ALPL: variants seen among roughly 807,000 people sequenced by gnomAD.
ALPL encodes the protein alkaline phosphatase, tissue-nonspecific isozyme.
Under a neutral mutation model 51.3 loss-of-function variants are expected in ALPL, and 42 were observed. The observed-to-expected ratio is 0.82, with a 90% CI of 0.64 to 1.06. The LOEUF is 1.06. Ranked by LOEUF, ALPL falls within the 50% of genes least tolerant of loss-of-function variation. ALPL has a pLI of 0.00. For missense variants in ALPL, 589 were observed against 709.4 expected (o/e 0.83, Z 1.93); for synonymous variants, 279 against 296.4 (o/e 0.94, Z 0.60).
intron 1 of ALPL, among the ~76,000 whole-genome samples, chr1:21,519,326 G>A (rs559510094): frequency 1.7e-4 from 26 of 152,318 alleles, no homozygotes; most frequent in Admixed American, 3.3e-4. Context: ...TTCCTCCACC[G>A]CAGGCTCAGT....
chr1:21,530,124 G>A (rs1450871745), intron 1 of ALPL, among the ~76,000 whole-genome samples: 6 of 152,106 alleles, frequency 3.9e-5, no homozygotes, highest in South Asian at 2.1e-4. Context: ...TGGTAGTGGC[G>A]TGGGGTGGGA....
rs1644541900 is a variant in ALPL at position 21,564,945 on chromosome 1, T to C, written c.648+729T>C. ...GACTCATGGAGACAGAAGTCATCCA[T>C]GTGACGCTTACTCTCTGTTCTTAAG... On this transcript the variant is annotated intron_variant, in intron 6 of 11. Transcript: ENST00000374840. The surrounding 1 kb of genome is among the most constrained non-coding windows in gnomAD (Gnocchi z 5.8). 6.6e-6 allele frequency among the ~76,000 whole-genome samples: 1 copy of C among 152,196 alleles called. No homozygotes were observed. The highest frequency in any genetic ancestry group is 2.1e-4 in the South Asian group (1 of 4,830).
chr1:21,512,687 G>A (rs949800698), intron 1 of ALPL, among the ~76,000 whole-genome samples: 2 of 152,112 alleles, frequency 1.3e-5, no homozygotes, highest in Admixed American at 6.6e-5. Flanking sequence ...AGTGTCTGAA[G>A]AACATAGTCT....
chr1:21,568,043 G>C (rs1644591319), intron 6 of ALPL, 61 bp from the exon 7 acceptor site: 1 of 1,612,114 alleles, frequency 6.2e-7, no homozygotes, highest in African/African-American at 1.3e-5. Context: ...CCAAGCCGAG[G>C]TCACTGGGGC....
intron 1 of ALPL, among the ~76,000 whole-genome samples, chr1:21,522,464 G>C (rs1195437028): frequency 2.6e-5 from 4 of 152,162 alleles, no homozygotes; most frequent in Non-Finnish European, 5.9e-5. Flanking sequence ...GGCTCAGAGA[G>C]ATTATGTTCA....
chr1:21,555,992 C>G (rs1348516600), intron 2 of ALPL, among the ~76,000 whole-genome samples: 1 of 150,910 alleles, frequency 6.6e-6, no homozygotes, highest in East Asian at 1.9e-4. Context: ...AGGATGGTCT[C>G]GATCTCCTGA....
intron 1 of ALPL, among the ~76,000 whole-genome samples, chr1:21,519,056 T>C (rs1323411061): frequency 6.6e-6 from 1 of 152,210 alleles, no homozygotes; most frequent in Non-Finnish European, 1.5e-5. Context: ...TCAGCTCAGA[T>C]CCAGTGGGAC....
chr1:21,531,266 G>T (rs981579857), intron 1 of ALPL, among the ~76,000 whole-genome samples: 1 of 151,912 alleles, frequency 6.6e-6, no homozygotes. Context: ...CCAATTTTTT[G>T]ATTTTTTTGT....
At position 21,577,733 on chromosome 1, in the gene ALPL, G is replaced by A. The variant is rs1333626864; in HGVS notation, c.*85G>A. 4.6e-6 allele frequency: 7 copies of A among 1,511,144 alleles called. No homozygotes were observed. The highest frequency in any genetic ancestry group is 6.2e-6 in the Non-Finnish European group (7 of 1,127,330). The allele number at this position is 1,511,144 out of a possible 1,614,324, so 93.6% of individuals were successfully genotyped here. The stretch of plus-strand genomic sequence containing the variant: ...CCCCCCCTCAAGGGGCAGGGAGGTG[G>A]GGGCCTCCTCAGCCTCTGCAACTGC... On this transcript the variant is annotated 3_prime_UTR_variant, in exon 12 of 12. Transcript: ENST00000374840.
At chr1:21,545,537 C>G (rs970310449) in intron 1 of ALPL, among the ~76,000 whole-genome samples, 11 of 152,016 alleles carry the variant, frequency 7.2e-5, no homozygotes, top group East Asian at 1.9e-4. Flanking sequence ...GTGATCCACC[C>G]TCCTCAGCCT....
intron 1 of ALPL, among the ~76,000 whole-genome samples, chr1:21,541,958 C>T (rs1357297858): frequency 6.6e-6 from 1 of 152,184 alleles, no homozygotes; most frequent in East Asian, 1.9e-4. Flanking sequence ...CCAGCACTGG[C>T]CCACTGCCCT....
At chr1:21,544,909 T>C (rs1357106740) in intron 1 of ALPL, among the ~76,000 whole-genome samples, 1 of 144,820 alleles carries the variant, frequency 6.9e-6, no homozygotes, top group Non-Finnish European at 1.5e-5. Flanking sequence ...TTTTGTTTTG[T>C]TTTTTTTTCT....
intron 2 of ALPL, among the ~76,000 whole-genome samples, chr1:21,555,279 G>A (rs1273490138): frequency 6.6e-6 from 1 of 152,190 alleles, no homozygotes; most frequent in Admixed American, 6.5e-5. Context: ...TTTTGTGGTG[G>A]AATGTCATCA....
intron 2 of ALPL, among the ~76,000 whole-genome samples, chr1:21,560,238 C>T (rs1644464588): frequency 6.6e-6 from 1 of 152,248 alleles, no homozygotes; most frequent in Non-Finnish European, 1.5e-5. Context: ...ACATTACTCT[C>T]TTAATTGTGC....
chr1:21,526,488 A>T (rs1643945462), intron 1 of ALPL, among the ~76,000 whole-genome samples: 1 of 152,130 alleles, frequency 6.6e-6, no homozygotes, highest in Non-Finnish European at 1.5e-5. Context: ...AATTTTTGAT[A>T]TGTGGTGTTT....
chr1:21,551,874 C>A (rs1017597497), intron 1 of ALPL, among the ~76,000 whole-genome samples: 1 of 151,596 alleles, frequency 6.6e-6, no homozygotes, highest in South Asian at 2.1e-4. Context: ...TACAGGCGCC[C>A]GCTACCTCTC....
At chr1:21,554,575 CTG>C (rs1644374511) in intron 2 of ALPL, among the ~76,000 whole-genome samples, 2 of 150,934 alleles carry the variant, frequency 1.3e-5, no homozygotes, top group Admixed American at 6.6e-5. Flanking sequence ...ACTGCAAGCT[CTG>C]CCTCCTGGGT....
rs1395856845 is a variant in ALPL, at chr1:21,577,517, CA to C, written c.1445del (p.His482ProfsTer2). ...CGTCCACGAGCAGAACTACGTCCCC[CA>C]CGTGATGGCGTATGCAGCCTGCATC... ...HGVHEQNYVP[H>X]VMAYAACIGA... On this transcript the variant is annotated frameshift_variant, in exon 12 of 12. Transcript: ENST00000374840. LOFTEE classifies it low-confidence loss of function (END_TRUNC). The C allele has an allele frequency of 6.2e-7, 1 of 1,607,904 alleles. No individual in the cohort carries two copies. The highest frequency in any genetic ancestry group is 1.3e-5 in the African/African-American group (1 of 74,924).
intron 6 of ALPL, among the ~76,000 whole-genome samples, chr1:21,567,662 G>A (rs944277120): frequency 1.3e-5 from 2 of 152,238 alleles, no homozygotes; most frequent in South Asian, 2.1e-4. Context: ...TCCTGGCTCT[G>A]TGGCCTTCGG....
Sources: gnomAD v4.1 joint callset for allele counts (sites outside exome capture counted in the v4.1 genomes callset) on GRCh38, gnomAD v4.1.1 for gene constraint, Gnocchi (gnomAD v3.1) non-coding constraint, MANE v1.5 for transcripts, NCBI Gene and HGNC (gene_info 2026-07-23, HGNC 2026-07-21) for gene names.